The following ATRNL1 variants were observed in gnomAD, a reference collection of about 807,000 sequenced individuals.
The protein encoded by ATRNL1 is attractin-like protein 1.
ATRNL1 carries 95 observed loss-of-function variants against 182.7 expected under a neutral mutation model. The observed-to-expected ratio is 0.52, with a 90% CI of 0.44 to 0.62. The LOEUF is 0.62. Among genes scored for constraint, ATRNL1 ranks in the 20% least tolerant of loss-of-function variants. The pLI is 0.00. For synonymous variants in ATRNL1, 576 were observed against 568.3 expected, an observed-to-expected ratio of 1.01 and a Z score of -0.19; for missense variants, 1,471 against 1,679.5, an observed-to-expected ratio of 0.88 and a Z score of 2.17.
At chr10:115,543,337 A>C (rs542008342) in intron 25 of ATRNL1, among the ~76,000 whole-genome samples, 2 of 152,130 alleles carry the variant, frequency 1.3e-5, no homozygotes, top group African/African-American at 4.8e-5. Flanking sequence ...TCATATTTTT[A>C]TTGCATTTTA....
chr10:115,944,667 T>C lies in ATRNL1; in HGVS notation c.4028T>C (p.Ile1343Thr), dbSNP rs782188058. 6.2e-7 allele frequency: 1 copy of C among 1,609,810 alleles called. No homozygotes were observed. Among genetic ancestry groups the C allele is most frequent in the Admixed American group, 1.7e-5 (1 of 59,790 alleles). Residue 1343 changes from isoleucine (I) to threonine (T), a missense_variant, in exon 29 of 29, where the codon ATT becomes ACT. This residue lies in a region of ATRNL1 where 437 missense variants were observed against 506.0 expected (regional missense o/e 0.86). Transcript: ENST00000355044. ...TTCTCTTTCCTTCCAGGCCTTGCAA[T>C]TGCCAGTGCCCTAATAGATATTTCA... Reference protein sequence around the residue: ...APPPGQSGLAIASALIDISQQ... With the variant: ...APPPGQSGLATASALIDISQQ...
chr10:115,345,052 T>C (rs1350896600), intron 19 of ATRNL1, among the ~76,000 whole-genome samples: 2 of 152,230 alleles, frequency 1.3e-5, no homozygotes, highest in African/African-American at 4.8e-5. Flanking sequence ...CCACGATTTG[T>C]GCAGTCTGGG....
At chr10:115,188,150 C>A (rs1848027566) in intron 8 of ATRNL1, among the ~76,000 whole-genome samples, 1 of 151,658 alleles carries the variant, frequency 6.6e-6, no homozygotes, top group African/African-American at 2.4e-5. Context: ...AAAATATTGA[C>A]AATTAGGGAA....
At chr10:115,909,139 C>A (rs1952590432) in intron 28 of ATRNL1, among the ~76,000 whole-genome samples, 1 of 152,008 alleles carries the variant, frequency 6.6e-6, no homozygotes, top group South Asian at 2.1e-4. Context: ...AACTTGTTTT[C>A]TCTCTCCCCC....
intron 24 of ATRNL1, among the ~76,000 whole-genome samples, chr10:115,502,868 T>C (rs528739259): frequency 6.6e-6 from 1 of 152,296 alleles, no homozygotes; most frequent in East Asian, 1.9e-4. Context: ...GTTCTGCATA[T>C]GTTCCCCAGA....
At chr10:115,706,485 G>A (rs529798515) in intron 26 of ATRNL1, among the ~76,000 whole-genome samples, 3 of 151,786 alleles carry the variant, frequency 2.0e-5, no homozygotes, top group East Asian at 3.9e-4. Context: ...TTTTGGGGGT[G>A]GGCATTATTC....
chr10:115,135,454 A>G (rs1378935302), intron 5 of ATRNL1, among the ~76,000 whole-genome samples: 1 of 152,198 alleles, frequency 6.6e-6, no homozygotes, highest in East Asian at 1.9e-4. Flanking sequence ...AAGAGAATAA[A>G]ATACCTAGGA....
chr10:115,137,918 A>AGCCCTTCT (rs1406240571), intron 5 of ATRNL1, among the ~76,000 whole-genome samples: 1 of 152,218 alleles, frequency 6.6e-6, no homozygotes, highest in African/African-American at 2.4e-5. Flanking sequence ...TCTGCCTGTG[A>AGCCCTTCT]GCCTGTAAAA....
chr10:115,436,017 G>A (rs672703), intron 21 of ATRNL1, among the ~76,000 whole-genome samples: 2,443 of 152,184 alleles, frequency 0.016, 66 homozygotes, highest in African/African-American at 0.055. Flanking sequence ...CATTTTTATT[G>A]TTGGGGTACT....
intron 28 of ATRNL1, among the ~76,000 whole-genome samples, chr10:115,933,704 A>G (rs973308094): frequency 6.6e-6 from 1 of 152,226 alleles, no homozygotes. Flanking sequence ...GCTGGCTTAC[A>G]GTTGCCATGG....
At chr10:115,687,386 C>T (rs1365221178) in intron 26 of ATRNL1, among the ~76,000 whole-genome samples, 2 of 152,014 alleles carry the variant, frequency 1.3e-5, no homozygotes, top group Non-Finnish European at 2.9e-5. Flanking sequence ...TTGTGTCTGG[C>T]TTATTTTGCT....
chr10:115,332,568 A>T (rs558845148), intron 18 of ATRNL1, among the ~76,000 whole-genome samples: 15 of 152,202 alleles, frequency 9.9e-5, no homozygotes, highest in African/African-American at 3.6e-4. Flanking sequence ...TATGGAGTTT[A>T]AAAACATTAT....
At chr10:115,156,077 T>C (rs1353380800) in intron 5 of ATRNL1, among the ~76,000 whole-genome samples, 2 of 152,036 alleles carry the variant, frequency 1.3e-5, no homozygotes, top group Admixed American at 1.3e-4. Context: ...TTATCTATTG[T>C]AGGGAGGTTT....
At chr10:115,813,827 A>C (rs1317369883) in intron 27 of ATRNL1, among the ~76,000 whole-genome samples, 3 of 152,192 alleles carry the variant, frequency 2.0e-5, no homozygotes, top group Non-Finnish European at 4.4e-5. Context: ...AAAGCTAACT[A>C]TAGCAGACAT....
intron 27 of ATRNL1, among the ~76,000 whole-genome samples, chr10:115,779,286 T>G (rs929976547): frequency 1.3e-5 from 2 of 152,212 alleles, no homozygotes; most frequent in African/African-American, 2.4e-5. Context: ...GGCTGGCCAA[T>G]TGATAATGCC....
chr10:115,874,076 T>C (rs2960659), intron 28 of ATRNL1, among the ~76,000 whole-genome samples: 97,879 of 152,080 alleles, frequency 0.64, 34,935 homozygotes, highest in East Asian at 0.78. Flanking sequence ...TCATGTCTCC[T>C]CCACAGCTCT....
At chr10:115,279,593 A>G (rs782429819) in intron 13 of ATRNL1, among the ~76,000 whole-genome samples, 1 of 152,174 alleles carries the variant, frequency 6.6e-6, no homozygotes, top group Admixed American at 6.5e-5. Context: ...ACTGTAGCCA[A>G]TTTCTGCTAT....
At position 115,646,488 on chromosome 10, in the gene ATRNL1, A is replaced by G. The variant is rs537871391; in HGVS notation, c.3796-80760A>G. 2.6e-5 allele frequency among the ~76,000 whole-genome samples: 4 copies of G among 152,292 alleles called. No individual in the cohort carries two copies. The East Asian group carries it at 7.7e-4, about 29-fold the overall frequency. Reference sequence around the variant, plus strand: ...CAGAATGTTAAAGAGACAGTGGAGAAGGCATCTGGTTCTTAAAAACTATGG... The same window carrying G: ...CAGAATGTTAAAGAGACAGTGGAGAGGGCATCTGGTTCTTAAAAACTATGG... On this transcript the variant is annotated intron_variant, in intron 26 of 28. Coordinates refer to ENST00000355044, the MANE Select transcript of ATRNL1 (RefSeq NM_207303.4).
intron 5 of ATRNL1, among the ~76,000 whole-genome samples, chr10:115,151,423 G>A (rs1564777749): frequency 6.6e-6 from 1 of 152,184 alleles, no homozygotes; most frequent in African/African-American, 2.4e-5. Flanking sequence ...TCTAACTGGT[G>A]TGAGATGGTA....
Sources: allele counts gnomAD v4.1 joint callset (sites outside exome capture counted in the v4.1 genomes callset), GRCh38; gene constraint gnomAD v4.1.1; regional missense constraint gnomAD v4.1.1; transcripts MANE v1.5; gene names NCBI Gene and HGNC (gene_info 2026-07-23, HGNC 2026-07-21).